The following RIMS2 variants were observed in gnomAD, a reference collection of about 807,000 sequenced individuals.
RIMS2 encodes regulating synaptic membrane exocytosis protein 2.
A neutral mutation model predicts 174.4 loss-of-function variants in RIMS2; 59 were observed. The observed-to-expected ratio is 0.34, with a 90% CI of 0.27 to 0.42. The LOEUF is 0.42. Among genes scored for constraint, RIMS2 ranks in the 10% least tolerant of loss-of-function variants. The pLI is 1.00. For missense variants in RIMS2, 1,620 were observed against 1,666.3 expected, an observed-to-expected ratio of 0.97 and a Z score of 0.48; for synonymous variants, 606 against 572.5, an observed-to-expected ratio of 1.06 and a Z score of -0.84.
chr8:103,969,684 A>G (rs1207107452), intron 15 of RIMS2, among the ~76,000 whole-genome samples: 2 of 152,188 alleles, frequency 1.3e-5, no homozygotes. Flanking sequence ...CATTCCTGCT[A>G]TATCTGATTC....
chr8:104,245,190 G>A lies in RIMS2; in HGVS notation c.3476+133G>A, dbSNP rs2099324206. The A allele has an allele frequency of 1.2e-4, 105 of 862,788 alleles. No individual in the cohort carries two copies. In the South Asian group the frequency reaches 1.9e-3, roughly 15 times the overall value. The allele number at this position is 862,788 out of a possible 1,614,324, so 53.4% of individuals were successfully genotyped here. Reference sequence around the variant, plus strand: ...TTTTCACTGGCTGATTTCCTGTGAAGAGAACTTTGCTCACCTGCCACTGAA... The same window carrying A: ...TTTTCACTGGCTGATTTCCTGTGAAAAGAACTTTGCTCACCTGCCACTGAA... On this transcript the variant is annotated intron_variant, in intron 20 of 23. Transcript: ENST00000504942.
chr8:103,794,265 C>A (rs1280420118), intron 3 of RIMS2, among the ~76,000 whole-genome samples: 1 of 152,104 alleles, frequency 6.6e-6, no homozygotes, highest in African/African-American at 2.4e-5. Flanking sequence ...ACAGAGCCCT[C>A]AGAAAGAATA....
At chr8:103,569,089 T>C (rs2433253) in intron 1 of RIMS2, 250,085 of 331,474 alleles carry the variant, frequency 0.75, 95,240 homozygotes, top group East Asian at 0.89. Flanking sequence ...GCTTCAGTGT[T>C]ATATCGAAGG....
At chr8:104,021,852 C>CTAAG in intron 19 of RIMS2, among the ~76,000 whole-genome samples, 1 of 152,132 alleles carries the variant, frequency 6.6e-6, no homozygotes. Flanking sequence ...TCCCTGAAGG[C>CTAAG]TAAGAGATTA....
At chr8:104,032,946 T>C (rs1324039144) in intron 19 of RIMS2, among the ~76,000 whole-genome samples, 4 of 151,944 alleles carry the variant, frequency 2.6e-5, no homozygotes, top group African/African-American at 4.8e-5. Context: ...TGAAAATACA[T>C]AATTTAAATA....
At chr8:103,647,180 C>A (rs969165664) in intron 1 of RIMS2, among the ~76,000 whole-genome samples, 1 of 152,124 alleles carries the variant, frequency 6.6e-6, no homozygotes, top group Non-Finnish European at 1.5e-5. Context: ...GGGAATGAAA[C>A]CTACTTTATC....
intron 19 of RIMS2, among the ~76,000 whole-genome samples, chr8:104,027,749 A>G (rs1426678438): frequency 6.6e-6 from 1 of 152,176 alleles, no homozygotes; most frequent in African/African-American, 2.4e-5. Flanking sequence ...TGTAATGAGT[A>G]TGAAATTGTA....
intron 19 of RIMS2, among the ~76,000 whole-genome samples, chr8:104,024,392 C>G (rs1459026976): frequency 6.6e-6 from 1 of 152,180 alleles, no homozygotes; most frequent in African/African-American, 2.4e-5. Context: ...GAGGAGAATT[C>G]TGGAGGATAA....
chr8:103,575,961 C>G (rs1177004537), intron 1 of RIMS2, among the ~76,000 whole-genome samples: 1 of 152,168 alleles, frequency 6.6e-6, no homozygotes, highest in Non-Finnish European at 1.5e-5. Flanking sequence ...AGGAGACTGT[C>G]CCTGCCTCAA....
intron 3 of RIMS2, among the ~76,000 whole-genome samples, chr8:103,801,981 G>T (rs1440821720): frequency 6.6e-6 from 1 of 152,084 alleles, no homozygotes; most frequent in African/African-American, 2.4e-5. Context: ...ATATTCATTT[G>T]TAAAATATAT....
chr8:103,787,314 A>T (rs1481469367), intron 3 of RIMS2, among the ~76,000 whole-genome samples: 1 of 151,742 alleles, frequency 6.6e-6, no homozygotes, highest in Non-Finnish European at 1.5e-5. Context: ...TCTTGTCGTT[A>T]TGATGTTAGC....
chr8:103,776,549 T>C (rs959070958), intron 3 of RIMS2, among the ~76,000 whole-genome samples: 2 of 152,206 alleles, frequency 1.3e-5, no homozygotes, highest in Admixed American at 1.3e-4. Flanking sequence ...TATAAATATT[T>C]TTGTATTTTA....
chr8:103,810,986 A>G (rs1411743159), intron 3 of RIMS2, among the ~76,000 whole-genome samples: 1 of 149,930 alleles, frequency 6.7e-6, no homozygotes, highest in Non-Finnish European at 1.5e-5. Context: ...TGCAGTCAAT[A>G]TTTGTTTCTC....
At chr8:103,746,658 A>C (rs942914650) in intron 2 of RIMS2, among the ~76,000 whole-genome samples, 1 of 151,020 alleles carries the variant, frequency 6.6e-6, no homozygotes, top group African/African-American at 2.4e-5. Context: ...CTATGTGTTC[A>C]TGTATTCTCA....
At position 103,936,768 on chromosome 8, in the gene RIMS2, A is replaced by G. The variant is rs770070230; in HGVS notation, c.2547+46A>G. On this transcript the variant is annotated intron_variant, in intron 13 of 23. Transcript: ENST00000504942. ...GTTTATGCTATTCATGTTATCCTGA[A>G]TACTTTTATTTATATAACTGTCAGT... 8.7e-6 allele frequency: 12 copies of G among 1,386,458 alleles called. No individual in the cohort carries two copies. In the Admixed American group the frequency reaches 2.1e-4, roughly 25 times the overall value. The allele number at this position is 1,386,458 out of a possible 1,614,324, so 85.9% of individuals were successfully genotyped here.
chr8:103,765,893 C>A (rs1361514098), intron 2 of RIMS2, among the ~76,000 whole-genome samples: 2 of 151,782 alleles, frequency 1.3e-5, no homozygotes, highest in Admixed American at 1.3e-4. Context: ...GTATTTAAAC[C>A]CAACTGTCTA....
chr8:103,553,274 G>T (rs1042445805), intron 1 of RIMS2, among the ~76,000 whole-genome samples: 5 of 152,072 alleles, frequency 3.3e-5, no homozygotes, highest in African/African-American at 9.7e-5. Context: ...CCATTAAAAA[G>T]GATGAATTTT....
intron 19 of RIMS2, among the ~76,000 whole-genome samples, chr8:104,136,315 A>G (rs2098519317): frequency 6.6e-6 from 1 of 152,192 alleles, no homozygotes; most frequent in Non-Finnish European, 1.5e-5. Flanking sequence ...AAAGGGGTGT[A>G]TGGGAAAGTC....
At chr8:103,541,226 A>G (rs999078559) in intron 1 of RIMS2, among the ~76,000 whole-genome samples, 1 of 152,224 alleles carries the variant, frequency 6.6e-6, no homozygotes, top group Non-Finnish European at 1.5e-5. Flanking sequence ...CGCAGAGAGG[A>G]TCCTGAAAGC....
Sources: allele counts gnomAD v4.1 joint callset (sites outside exome capture counted in the v4.1 genomes callset), GRCh38; gene constraint gnomAD v4.1.1; transcripts MANE v1.5; gene names NCBI Gene and HGNC (gene_info 2026-07-23, HGNC 2026-07-21).